Variants in ADAMTS9 observed in about 807,000 individuals in gnomAD.
The protein encoded by ADAMTS9 is ADAM metallopeptidase with thrombospondin type 1 motif 9, also known as A disintegrin and metalloproteinase with thrombospondin motifs 9.
A neutral mutation model predicts 257.1 loss-of-function variants in ADAMTS9; 107 were observed. That is an observed-to-expected ratio of 0.42 (90% CI 0.36 to 0.49). The LOEUF (loss-of-function observed/expected upper bound fraction) is 0.49, where lower values mean the gene tolerates loss of function less well. ADAMTS9 is among the 20% of genes least tolerant of loss of function. ADAMTS9 has a pLI of 0.03. For missense variants in ADAMTS9, 2,353 were observed against 2,469.1 expected (o/e 0.95, Z 1.00); for synonymous variants, 982 against 880.9 (o/e 1.11, Z -2.03).
intron 28 of ADAMTS9, among the ~76,000 whole-genome samples, chr3:64,573,482 G>A (rs1006754123): frequency 5.9e-5 from 9 of 152,206 alleles, no homozygotes; most frequent in African/African-American, 2.2e-4. Context: ...TTTGACAACA[G>A]ATGGCTAACC....
chr3:64,553,904 T>C (rs1559760573), intron 30 of ADAMTS9, among the ~76,000 whole-genome samples: 1 of 152,104 alleles, frequency 6.6e-6, no homozygotes, highest in Non-Finnish European at 1.5e-5. Flanking sequence ...AAAAGTGTTT[T>C]TTTCATCATT....
intron 22 of ADAMTS9, among the ~76,000 whole-genome samples, chr3:64,607,501 C>CA (rs71102808): frequency 6.6e-6 from 1 of 152,100 alleles, no homozygotes; most frequent in East Asian, 1.9e-4. Context: ...TTATAAGAGA[C>CA]AAAAAAACTG....
At chr3:64,542,090 T>C in intron 32 of ADAMTS9, 120 bp from the exon 33 acceptor site, 1 of 1,325,156 alleles carries the variant, frequency 7.5e-7, no homozygotes, top group Non-Finnish European at 1.0e-6. Flanking sequence ...AGACCCTGTG[T>C]CGCTGAATAC....
intron 28 of ADAMTS9, chr3:64,586,616 A>G (rs2084160743): frequency 6.6e-6 from 1 of 152,206 alleles, no homozygotes; most frequent in Non-Finnish European, 1.5e-5. Flanking sequence ...GGCAATTATC[A>G]GTCAATTTGC....
chr3:64,685,885 G>A (rs1701891179), intron 2 of ADAMTS9, among the ~76,000 whole-genome samples: 2 of 152,098 alleles, frequency 1.3e-5, no homozygotes, highest in South Asian at 4.1e-4. Context: ...TGCAGAGTTG[G>A]ACTGCGCTGC....
At chr3:64,611,796 T>C (rs1429324510) in intron 22 of ADAMTS9, among the ~76,000 whole-genome samples, 1 of 152,162 alleles carries the variant, frequency 6.6e-6, no homozygotes, top group East Asian at 1.9e-4. Flanking sequence ...CCATGGCCCA[T>C]GGCCCATGAC....
chr3:64,642,042 T>A (rs1387227274), intron 11 of ADAMTS9, 49 bp from the exon 12 acceptor site: 1 of 1,605,728 alleles, frequency 6.2e-7, no homozygotes, highest in Non-Finnish European at 8.5e-7. Context: ...CTGTGAGTTG[T>A]TACAGGACTG....
At chr3:64,649,215 C>T (rs763145610) in intron 10 of ADAMTS9, among the ~76,000 whole-genome samples, 48 of 152,124 alleles carry the variant, frequency 3.2e-4, no homozygotes, top group Non-Finnish European at 4.6e-4. Flanking sequence ...AACACAGAAA[C>T]ATGTTTGTCT....
chr3:64,677,075 TC>T (rs1701639589), intron 3 of ADAMTS9, among the ~76,000 whole-genome samples: 1 of 152,104 alleles, frequency 6.6e-6, no homozygotes, highest in Admixed American at 6.6e-5. Flanking sequence ...ATGGGAAGGA[TC>T]CGCAGGAAGT....
intron 22 of ADAMTS9, 89 bp from the exon 23 acceptor site, chr3:64,607,168 C>A (rs1202668219): frequency 2.1e-5 from 32 of 1,551,794 alleles, no homozygotes; most frequent in Non-Finnish European, 2.2e-5. Flanking sequence ...GAGAGAAATA[C>A]TTCCATCACA....
intron 14 of ADAMTS9, among the ~76,000 whole-genome samples, chr3:64,632,177 A>C (rs1700382961): frequency 6.6e-6 from 1 of 152,226 alleles, no homozygotes; most frequent in Non-Finnish European, 1.5e-5. Context: ...CTACTGGATC[A>C]GAGTTGGCAT....
intron 12 of ADAMTS9, among the ~76,000 whole-genome samples, chr3:64,639,984 AAT>A (rs568463160): frequency 1.8e-3 from 277 of 152,318 alleles, no homozygotes; most frequent in Non-Finnish European, 2.9e-3. Context: ...AGGAAGTAGG[AAT>A]AGTGTGACAA....
At chr3:64,672,704 T>G (rs1046453445) in intron 3 of ADAMTS9, among the ~76,000 whole-genome samples, 8 of 152,090 alleles carry the variant, frequency 5.3e-5, no homozygotes, top group African/African-American at 1.7e-4. Context: ...ACAAAGGTTT[T>G]GGGGAATACG....
chr3:64,546,657 T>G, intron 32 of ADAMTS9, 101 bp downstream of exon 32: 1 of 1,284,456 alleles, frequency 7.8e-7, no homozygotes, highest in Non-Finnish European at 1.1e-6. Flanking sequence ...GGGTTTCTCC[T>G]GGAAGTAGAG....
At chr3:64,622,620 T>C in intron 16 of ADAMTS9, 34 bp from the exon 17 acceptor site, 1 of 1,600,240 alleles carries the variant, frequency 6.2e-7, no homozygotes, top group Non-Finnish European at 8.6e-7. Context: ...TACATTGATC[T>C]GCTGTCAATG....
intron 31 of ADAMTS9, among the ~76,000 whole-genome samples, chr3:64,549,874 T>C (rs187746382): frequency 6.6e-6 from 1 of 152,262 alleles, no homozygotes; most frequent in Non-Finnish European, 1.5e-5. Context: ...GGGATCAGCT[T>C]TAGTGCAGGA....
intron 32 of ADAMTS9, among the ~76,000 whole-genome samples, chr3:64,546,396 AT>A (rs1381588775): frequency 1.3e-5 from 2 of 152,272 alleles, no homozygotes; most frequent in African/African-American, 4.8e-5. Flanking sequence ...TGGATTTTGG[AT>A]TTCTGGATTA....
At chr3:64,536,044 G>C (rs948568393) in intron 37 of ADAMTS9, among the ~76,000 whole-genome samples, 6 of 152,136 alleles carry the variant, frequency 3.9e-5, no homozygotes, top group African/African-American at 1.4e-4. Context: ...AAGTTTTCCG[G>C]AGGTCCAGGC....
intron 3 of ADAMTS9, among the ~76,000 whole-genome samples, chr3:64,663,931 A>C (rs1701285184): frequency 6.6e-6 from 1 of 151,862 alleles, no homozygotes; most frequent in Non-Finnish European, 1.5e-5. Context: ...CTCATTAAAA[A>C]TAGCATTAAA....
Sources: gnomAD v4.1 joint callset for allele counts (sites outside exome capture counted in the v4.1 genomes callset) on GRCh38, gnomAD v4.1.1 for gene constraint, MANE v1.5 for transcripts, NCBI Gene and HGNC (gene_info 2026-07-23, HGNC 2026-07-21) for gene names.